Variants in AKR1E2 observed in about 807,000 individuals in gnomAD.
The protein encoded by AKR1E2 is aldo-keto reductase family 1 member E2, also known as 1,5-anhydro-D-fructose reductase.
A neutral mutation model predicts 41.9 loss-of-function variants in AKR1E2; 43 were observed. The observed-to-expected ratio is 1.03, with a 90% CI of 0.80 to 1.32. The LOEUF (loss-of-function observed/expected upper bound fraction) is 1.32, where lower values mean the gene tolerates loss of function less well. AKR1E2 is among the 40% of genes most tolerant of loss of function. The pLI is 0.00. For synonymous variants in AKR1E2, 121 were observed against 138.9 expected (o/e 0.87, Z 0.91); for missense variants, 423 against 396.5 (o/e 1.07, Z -0.57).
downstream of AKR1E2, among the ~76,000 whole-genome samples, chr10:4,852,447 G>A (rs138625601): frequency 4.1e-4 from 63 of 152,280 alleles, no homozygotes; most frequent in African/African-American, 1.3e-3. Flanking sequence ...AGAAACTGTG[G>A]TGCGATTAAT....
chr10:4,855,428 CTT>C, the AKR1E2 span, among the ~76,000 whole-genome samples: 39,219 of 151,996 alleles, frequency 0.26, 5,250 homozygotes, highest in Middle Eastern at 0.37. Context: ...CAGTTATAAA[CTT>C]TGCTGCAGGT....
chr10:4,834,827 C>T (rs913325830), intron 3 of AKR1E2, among the ~76,000 whole-genome samples: 4 of 152,182 alleles, frequency 2.6e-5, no homozygotes, highest in African/African-American at 9.7e-5. Context: ...AATGCAGCAT[C>T]GTCAGCATGT....
chr10:4,831,030 CA>C (rs1405054569), intron 2 of AKR1E2, among the ~76,000 whole-genome samples, 188 bp downstream of exon 2: 8 of 152,202 alleles, frequency 5.3e-5, no homozygotes, highest in Admixed American at 5.2e-4. Context: ...TTTACTTGGT[CA>C]TTCAGGTAGG....
chr10:4,829,635 C>T (rs1471475583), intron 1 of AKR1E2, among the ~76,000 whole-genome samples: 1 of 151,780 alleles, frequency 6.6e-6, no homozygotes, highest in Non-Finnish European at 1.5e-5. Context: ...TGTAACTATT[C>T]AAGCTTTATT....
At chr10:4,857,986 A>T in the AKR1E2 span, among the ~76,000 whole-genome samples, 3 of 152,066 alleles carry the variant, frequency 2.0e-5, no homozygotes, top group African/African-American at 7.2e-5. Flanking sequence ...TTTCTATTTT[A>T]TATATCTCTT....
At position 4,841,785 on chromosome 10, in the gene AKR1E2, T is replaced by C. The variant is rs1457267143; in HGVS notation, c.681T>C (p.Cys227=). The change falls in exon 7 of 10, where the codon TGT becomes TGC. Residue 227 remains cysteine (C), a splice_region_variant and synonymous_variant. Coordinates refer to ENST00000298375, the MANE Select transcript of AKR1E2 (RefSeq NM_001040177.3). The part of the protein sequence containing the change: ...VTAYRPLGGS[C]EGVDLIDNPV... ...ACTCCCCTGTACTGTGTCTCTCTAG[T>C]GAGGGGGTTGACCTGATAGACAACC... 2 of 1,611,018 alleles carry C rather than the reference T, an allele frequency of 1.2e-6. No individual in the cohort carries two copies. The highest frequency in any genetic ancestry group is 2.7e-5 in the African/African-American group (2 of 74,948).
At chr10:4,867,808 G>A in the AKR1E2 span, among the ~76,000 whole-genome samples, 2 of 152,180 alleles carry the variant, frequency 1.3e-5, no homozygotes, top group Non-Finnish European at 2.9e-5. Flanking sequence ...GTTACTTGAT[G>A]TGACTCATTG....
chr10:4,871,686 A>G, the AKR1E2 span, among the ~76,000 whole-genome samples: 11 of 110,704 alleles, frequency 9.9e-5, no homozygotes, highest in Non-Finnish European at 1.6e-4. Context: ...ATACATCTTT[A>G]TTTTGGCAGT....
At chr10:4,869,761 T>C in the AKR1E2 span, among the ~76,000 whole-genome samples, 33,100 of 151,962 alleles carry the variant, frequency 0.22, 3,817 homozygotes, top group Middle Eastern at 0.33. Flanking sequence ...CTGTTTTACC[T>C]GTGGATTATT....
chr10:4,839,760 ATC>A lies in AKR1E2; in HGVS notation c.616_617del (p.Leu206AspfsTer22). 6.2e-7 allele frequency: 1 copy of A among 1,613,892 alleles called. No individual in the cohort carries two copies. The highest frequency in any genetic ancestry group is 1.1e-5 in the South Asian group (1 of 91,054). On this transcript the variant is annotated frameshift_variant, in exon 6 of 10. Coordinates refer to ENST00000298375, the MANE Select transcript of AKR1E2 (RefSeq NM_001040177.3). LOFTEE classifies it high-confidence loss of function. ...TGCCACCCATATCTTACTCAGAAGA[ATC>A]TGATCAGTTTTTGCCAATCCAGAGA...
Position 4,835,663 on chromosome 10 carries a change from CCTT to C in AKR1E2, c.325-7_325-5del, listed in dbSNP as rs1294127646. ...TTTTGTTTTCACACATCTCAACTCTCCTTCTTCGCAGCCTCCTCATCCAGAATG... is the reference window on the plus strand; with the variant it reads ...TTTTGTTTTCACACATCTCAACTCTCCTTCGCAGCCTCCTCATCCAGAATG... On this transcript the variant is annotated splice_polypyrimidine_tract_variant and intron_variant, in intron 3 of 9. Transcript: ENST00000298375. The C allele has an allele frequency of 2.5e-6, 4 of 1,613,172 alleles. No homozygotes were observed. The highest frequency in any genetic ancestry group is 2.2e-5 in the South Asian group (2 of 90,950).
chr10:4,839,717 A>C lies in AKR1E2; in HGVS notation c.583-12A>C, dbSNP rs1201099402. On this transcript the variant is annotated splice_polypyrimidine_tract_variant and intron_variant, in intron 5 of 9. Coordinates refer to ENST00000298375, the MANE Select transcript of AKR1E2 (RefSeq NM_001040177.3). ...TGGTCTGAATTTTATGTAAGCTATG[A>C]TTCTGTTATAGATTGAGTGCCACCC... 4 of 1,609,054 alleles carry C rather than the reference A, an allele frequency of 2.5e-6. No individual in the cohort carries two copies. The highest frequency in any genetic ancestry group is 3.4e-6 in the Non-Finnish European group (4 of 1,175,430).
In AKR1E2 at chr10:4,847,480, T is replaced by A. The variant is rs764419390; in HGVS notation, c.921-8T>A. 3 of 1,611,254 alleles carry A rather than the reference T, an allele frequency of 1.9e-6. No homozygotes were observed. The highest frequency in any genetic ancestry group is 2.5e-6 in the Non-Finnish European group (3 of 1,179,078). ...TTCCTATTTTTGATTTGTTTTTCTGTTTTTCAGAACTAAAAATCACAAAGA... is the reference window on the plus strand; with the variant it reads ...TTCCTATTTTTGATTTGTTTTTCTGATTTTCAGAACTAAAAATCACAAAGA... On this transcript the variant is annotated splice_region_variant and splice_polypyrimidine_tract_variant and intron_variant, in intron 9 of 9. Coordinates refer to ENST00000298375, the MANE Select transcript of AKR1E2 (RefSeq NM_001040177.3).
downstream of AKR1E2, among the ~76,000 whole-genome samples, chr10:4,850,789 G>A (rs1348921549): frequency 6.6e-6 from 1 of 151,980 alleles, no homozygotes; most frequent in Non-Finnish European, 1.5e-5. Flanking sequence ...GGTGCCGCAG[G>A]GTGACTATGT....
At position 4,839,755 on chromosome 10, in the gene AKR1E2, G is replaced by A. The variant is rs552880850; in HGVS notation, c.609G>A (p.Gln203=). Residue 203 remains glutamine, a synonymous_variant, in exon 6 of 10, where the codon CAG becomes CAA. Coordinates refer to ENST00000298375, the MANE Select transcript of AKR1E2 (RefSeq NM_001040177.3). ...NQIECHPYLT[Q]KNLISFCQSR... ...TTGAGTGCCACCCATATCTTACTCA[G>A]AAGAATCTGATCAGTTTTTGCCAAT... 5 of 1,614,080 alleles carry A rather than the reference G, an allele frequency of 3.1e-6. No homozygotes were observed. Among genetic ancestry groups the A allele is most frequent in the East Asian group, 4.5e-5 (2 of 44,872 alleles).
upstream of AKR1E2, among the ~76,000 whole-genome samples, chr10:4,825,483 CG>C (rs764553867): frequency 6.6e-6 from 1 of 152,140 alleles, no homozygotes; most frequent in South Asian, 2.1e-4. Context: ...CACTTCCAAA[CG>C]GGGGCCCGAG....
chr10:4,858,974 C>T, the AKR1E2 span, among the ~76,000 whole-genome samples: 5 of 152,022 alleles, frequency 3.3e-5, no homozygotes, highest in African/African-American at 1.2e-4. Context: ...CAGGCATCCA[C>T]CACCACGACC....
At chr10:4,863,344 C>T in the AKR1E2 span, among the ~76,000 whole-genome samples, 1 of 152,126 alleles carries the variant, frequency 6.6e-6, no homozygotes, top group Admixed American at 6.5e-5. Flanking sequence ...ACTGAACAAC[C>T]TGCTCCTGAA....
downstream of AKR1E2, among the ~76,000 whole-genome samples, chr10:4,851,247 T>G (rs1281188929): frequency 2.0e-5 from 3 of 152,226 alleles, no homozygotes; most frequent in Non-Finnish European, 4.4e-5. Context: ...GACTGAATTC[T>G]TTTACGTATC....
Sources: allele counts gnomAD v4.1 joint callset (sites outside exome capture counted in the v4.1 genomes callset), GRCh38; gene constraint gnomAD v4.1.1; transcripts MANE v1.5; gene names NCBI Gene and HGNC (gene_info 2026-07-23, HGNC 2026-07-21).